DLG2: variants seen among roughly 807,000 people sequenced by gnomAD.
DLG2 encodes discs large MAGUK scaffold protein 2.
A neutral mutation model predicts 132.5 loss-of-function variants in DLG2; 45 were observed. The ratio of observed to expected loss-of-function variants is 0.34; its 90% CI spans 0.27 to 0.44. The LOEUF (loss-of-function observed/expected upper bound fraction) is 0.44, where lower values mean the gene tolerates loss of function less well. DLG2 is among the 20% of genes least tolerant of loss of function. DLG2 has a pLI of 1.00. For synonymous variants in DLG2, 424 were observed against 419.6 expected, an observed-to-expected ratio of 1.01 and a Z score of -0.13; for missense variants, 1,045 against 1,196.9, an observed-to-expected ratio of 0.87 and a Z score of 1.87.
intron 7 of DLG2, among the ~76,000 whole-genome samples, chr11:84,388,203 A>G (rs1430287326): frequency 6.6e-6 from 1 of 152,208 alleles, no homozygotes; most frequent in Non-Finnish European, 1.5e-5. Flanking sequence ...TTATTACTGG[A>G]GGGAAGTACC....
intron 21 of DLG2, among the ~76,000 whole-genome samples, chr11:83,488,253 T>C (rs2093640698): frequency 6.6e-6 from 1 of 151,896 alleles, no homozygotes; most frequent in Non-Finnish European, 1.5e-5. Flanking sequence ...TAGATCTACA[T>C]GTCTTTTGTT....
intron 3 of DLG2, among the ~76,000 whole-genome samples, chr11:85,573,592 G>C (rs2077975535): frequency 6.6e-6 from 1 of 152,128 alleles, no homozygotes; most frequent in Admixed American, 6.6e-5. Context: ...AATCTTGACT[G>C]TGCTTTGTGT....
chr11:83,866,185 C>T (rs1292621635), intron 16 of DLG2, among the ~76,000 whole-genome samples: 1 of 152,068 alleles, frequency 6.6e-6, no homozygotes, highest in Non-Finnish European at 1.5e-5. Flanking sequence ...TCAATGTCTG[C>T]TTTGCTCATC....
At chr11:83,613,158 G>T (rs1431826931) in intron 19 of DLG2, among the ~76,000 whole-genome samples, 3 of 152,122 alleles carry the variant, frequency 2.0e-5, no homozygotes, top group Non-Finnish European at 2.9e-5. Flanking sequence ...CTAGGGTTAG[G>T]GTCAAACTAT....
chr11:84,502,959 G>A (rs1051870942), intron 7 of DLG2, among the ~76,000 whole-genome samples: 4 of 152,122 alleles, frequency 2.6e-5, no homozygotes, highest in African/African-American at 9.7e-5. Flanking sequence ...TGCCTAATTA[G>A]AATAGACAGA....
At chr11:84,126,359 G>A (rs1002751350) in intron 9 of DLG2, among the ~76,000 whole-genome samples, 1 of 152,124 alleles carries the variant, frequency 6.6e-6, no homozygotes, top group African/African-American at 2.4e-5. Flanking sequence ...GGAAAATACA[G>A]TAGAAAAAAA....
intron 6 of DLG2, among the ~76,000 whole-genome samples, chr11:84,912,286 G>A (rs1355445535): frequency 6.6e-6 from 1 of 152,156 alleles, no homozygotes; most frequent in Non-Finnish European, 1.5e-5. Flanking sequence ...CTCCCGAGTA[G>A]GTGAGCCTAC....
Position 85,328,738 on chromosome 11 carries a change from C to T in DLG2, c.41-43373G>A, listed in dbSNP as rs1187334679. 7.9e-5 allele frequency among the ~76,000 whole-genome samples: 12 copies of T among 151,382 alleles called. No homozygotes were observed. The South Asian group carries it at 8.4e-4, about 11-fold the overall frequency. ...ACAAGACAAGAATGCCCTCTCTCAC[C>T]GCTCCTATTCAACATAGTGTTGGAA... On this transcript the variant is annotated intron_variant, in intron 3 of 27. Coordinates refer to ENST00000376104, the MANE Select transcript of DLG2 (RefSeq NM_001142699.3).
intron 6 of DLG2, among the ~76,000 whole-genome samples, chr11:85,027,315 G>A (rs954795896): frequency 1.3e-5 from 2 of 151,966 alleles, no homozygotes; most frequent in Admixed American, 1.3e-4. Context: ...ATGTCTGGAG[G>A]TTGGGTTATT....
chr11:84,213,540 C>A (rs953297508), intron 8 of DLG2, among the ~76,000 whole-genome samples: 4 of 152,080 alleles, frequency 2.6e-5, no homozygotes, highest in African/African-American at 9.7e-5. Flanking sequence ...ATGTAAGAGG[C>A]CAGGCGCGGT....
At chr11:85,523,665 G>C (rs571310836) in intron 3 of DLG2, among the ~76,000 whole-genome samples, 2 of 152,320 alleles carry the variant, frequency 1.3e-5, no homozygotes, top group South Asian at 2.1e-4. Context: ...ATGGAGAGCA[G>C]TTTGGAGATT....
intron 7 of DLG2, among the ~76,000 whole-genome samples, chr11:84,255,765 T>C (rs1196947306): frequency 6.6e-6 from 1 of 152,036 alleles, no homozygotes; most frequent in Non-Finnish European, 1.5e-5. Flanking sequence ...TAGAACAAAA[T>C]CTTTCTTTAA....
rs536798349 is a variant in DLG2 at position 84,978,409 on chromosome 11, T to C, written c.357+133252A>G. The stretch of plus-strand genomic sequence containing the variant: ...CATCACGCTACCTGACTTCAAACTA[T>C]ACTACAAGGCTACAGTAACCAAAAC... On this transcript the variant is annotated intron_variant, in intron 6 of 27. Coordinates refer to ENST00000376104, the MANE Select transcript of DLG2 (RefSeq NM_001142699.3). 2.6e-5 allele frequency among the ~76,000 whole-genome samples: 4 copies of C among 152,220 alleles called. No individual in the cohort carries two copies. The South Asian group carries it at 6.2e-4, about 24-fold the overall frequency.
chr11:83,910,110 C>G (rs1278353782), intron 15 of DLG2, among the ~76,000 whole-genome samples: 1 of 152,044 alleles, frequency 6.6e-6, no homozygotes, highest in Admixed American at 6.6e-5. Flanking sequence ...GTAAATCAAC[C>G]AAGTGAAGTG....
At chr11:84,321,924 C>A (rs2154397236) in intron 7 of DLG2, among the ~76,000 whole-genome samples, 1 of 152,310 alleles carries the variant, frequency 6.6e-6, no homozygotes, top group Middle Eastern at 3.4e-3. Flanking sequence ...TTCCATTAAA[C>A]ACTCATTTAG....
At chr11:84,030,767 T>C (rs1274992149) in intron 11 of DLG2, among the ~76,000 whole-genome samples, 2 of 152,036 alleles carry the variant, frequency 1.3e-5, no homozygotes, top group East Asian at 1.9e-4. Context: ...AGAAGGAAGA[T>C]TGGGAGCTGC....
At chr11:85,068,449 A>G (rs2065269243) in intron 6 of DLG2, among the ~76,000 whole-genome samples, 1 of 152,192 alleles carries the variant, frequency 6.6e-6, no homozygotes, top group Non-Finnish European at 1.5e-5. Flanking sequence ...CAACTTCAGC[A>G]AAGTCTCAGG....
At chr11:85,479,707 T>A (rs1374297897) in intron 3 of DLG2, among the ~76,000 whole-genome samples, 1 of 152,076 alleles carries the variant, frequency 6.6e-6, no homozygotes, top group Non-Finnish European at 1.5e-5. Context: ...CTGGGTAGCT[T>A]AAACAACAGT....
intron 10 of DLG2, among the ~76,000 whole-genome samples, chr11:84,097,678 T>C (rs2097184350): frequency 6.6e-6 from 1 of 152,142 alleles, no homozygotes; most frequent in Non-Finnish European, 1.5e-5. Context: ...CTCCCTCTTC[T>C]CCACTTTATT....
Sources: gnomAD v4.1 joint callset for allele counts (sites outside exome capture counted in the v4.1 genomes callset) on GRCh38, gnomAD v4.1.1 for gene constraint, MANE v1.5 for transcripts, NCBI Gene and HGNC (gene_info 2026-07-23, HGNC 2026-07-21) for gene names.